The following NRXN3 variants were observed in gnomAD, a reference collection of about 807,000 sequenced individuals.
NRXN3 encodes the protein neurexin 3, also known as neurexin III.
In NRXN3, 32 loss-of-function variants were observed where a neutral mutation model predicts 137.6. That is an observed-to-expected ratio of 0.23 (90% confidence interval 0.18 to 0.31). The LOEUF is 0.31. Ranked by LOEUF, NRXN3 falls within the 10% of genes least tolerant of loss-of-function variation. NRXN3 has a pLI of 1.00. For synonymous variants in NRXN3, 798 were observed against 784.5 expected, an observed-to-expected ratio of 1.02 and a Z score of -0.29; for missense variants, 1,574 against 2,062.5, an observed-to-expected ratio of 0.76 and a Z score of 4.59.
chr14:78,515,273 A>T (rs2096185389), intron 4 of NRXN3, among the ~76,000 whole-genome samples: 1 of 152,142 alleles, frequency 6.6e-6, no homozygotes, highest in African/African-American at 2.4e-5. Context: ...TAATCAATGG[A>T]ATCCAGACTG....
chr14:78,192,901 C>T (rs1168656803), intron 1 of NRXN3, among the ~76,000 whole-genome samples: 2 of 152,150 alleles, frequency 1.3e-5, no homozygotes, highest in East Asian at 1.9e-4. Flanking sequence ...TCAACCTACC[C>T]AACGCCTTCT....
At chr14:78,378,761 A>G (rs2088427334) in intron 4 of NRXN3, among the ~76,000 whole-genome samples, 1 of 152,156 alleles carries the variant, frequency 6.6e-6, no homozygotes, top group Non-Finnish European at 1.5e-5. Context: ...AAGCAGAAGA[A>G]AGGAAAGAAT....
chr14:78,650,413 G>A (rs1275489519), intron 5 of NRXN3, among the ~76,000 whole-genome samples: 6 of 151,846 alleles, frequency 4.0e-5, no homozygotes, highest in Admixed American at 2.0e-4. Context: ...TCTTTTCTGT[G>A]GGCATTATTA....
chr14:79,067,054 G>T (rs1267510383), intron 15 of NRXN3, among the ~76,000 whole-genome samples: 6 of 151,982 alleles, frequency 3.9e-5, no homozygotes, highest in Non-Finnish European at 7.4e-5. Flanking sequence ...CAGTTTTCAG[G>T]GGGAATGTTT....
chr14:79,226,814 CTTTTTTT>C (rs3035642), intron 15 of NRXN3, among the ~76,000 whole-genome samples: 6 of 98,480 alleles, frequency 6.1e-5, no homozygotes, highest in Admixed American at 3.1e-4. Context: ...TCCTTTTTTT[CTTTTTTT>C]TTTTTTTTTT....
chr14:79,009,467 A>G (rs1392880878), intron 15 of NRXN3, among the ~76,000 whole-genome samples: 3 of 152,152 alleles, frequency 2.0e-5, no homozygotes, highest in South Asian at 2.1e-4. Context: ...CCTTACTTCT[A>G]TGCATGATTA....
At chr14:79,501,239 TTTGA>T (rs1301476581) in intron 16 of NRXN3, among the ~76,000 whole-genome samples, 1 of 152,152 alleles carries the variant, frequency 6.6e-6, no homozygotes, top group East Asian at 1.9e-4. Flanking sequence ...TTAATTAAGC[TTTGA>T]TTAAGATGCT....
intron 15 of NRXN3, among the ~76,000 whole-genome samples, chr14:79,329,258 G>A (rs2091337745): frequency 6.6e-6 from 1 of 152,082 alleles, no homozygotes. Flanking sequence ...GGGGTGAAGT[G>A]GCAAGAAACA....
At chr14:79,703,588 T>A (rs1603442085) in intron 19 of NRXN3, among the ~76,000 whole-genome samples, 1 of 152,030 alleles carries the variant, frequency 6.6e-6, no homozygotes, top group Non-Finnish European at 1.5e-5. Flanking sequence ...CTCAGGAAAC[T>A]TACAATCATG....
chr14:79,795,941 A>G (rs2099159782), intron 19 of NRXN3, among the ~76,000 whole-genome samples: 1 of 152,192 alleles, frequency 6.6e-6, no homozygotes, highest in South Asian at 2.1e-4. Context: ...GAAGAAAGAA[A>G]GGGAAAAAGG....
At chr14:78,643,896 A>T (rs1566959448) in intron 4 of NRXN3, among the ~76,000 whole-genome samples, 1 of 152,184 alleles carries the variant, frequency 6.6e-6, no homozygotes, top group Admixed American at 6.5e-5. Context: ...TAATCCTAAC[A>T]CTTTGGGAGG....
intron 15 of NRXN3, among the ~76,000 whole-genome samples, chr14:79,408,683 G>T (rs111679765): frequency 0.013 from 1,984 of 152,006 alleles, 48 homozygotes; most frequent in African/African-American, 0.045. Context: ...AAAACTTTAT[G>T]TCTCCTCCTC....
intron 16 of NRXN3, among the ~76,000 whole-genome samples, chr14:79,632,120 C>T (rs748716007): frequency 1.2e-4 from 19 of 152,228 alleles, no homozygotes; most frequent in Admixed American, 3.3e-4. Context: ...GGGTCTGTGC[C>T]GCCTTTATGA....
chr14:79,544,176 T>C (rs2097298495), intron 16 of NRXN3, among the ~76,000 whole-genome samples: 1 of 152,238 alleles, frequency 6.6e-6, no homozygotes, highest in Non-Finnish European at 1.5e-5. Context: ...AGCTGAGCTT[T>C]CGATTCTGTC....
At chr14:78,767,293 C>G (rs2098712188) in intron 8 of NRXN3, among the ~76,000 whole-genome samples, 1 of 152,174 alleles carries the variant, frequency 6.6e-6, no homozygotes, top group Non-Finnish European at 1.5e-5. Flanking sequence ...AATATAGCAG[C>G]TTCTTCAAAG....
chr14:79,323,934 G>T (rs1208104926), intron 15 of NRXN3, among the ~76,000 whole-genome samples: 1 of 152,148 alleles, frequency 6.6e-6, no homozygotes, highest in East Asian at 1.9e-4. Flanking sequence ...ATATGGAGGT[G>T]TTTTTTTCCC....
intron 17 of NRXN3, among the ~76,000 whole-genome samples, chr14:79,666,234 G>T (rs1027042538): frequency 6.6e-6 from 1 of 151,982 alleles, no homozygotes. Flanking sequence ...CTGTTTTGTT[G>T]TTCTTTAAGA....
At chr14:78,570,596 A>C (rs745581793) in intron 4 of NRXN3, among the ~76,000 whole-genome samples, 15 of 152,224 alleles carry the variant, frequency 9.9e-5, no homozygotes, top group Non-Finnish European at 2.1e-4. Context: ...GCAGTTCTCC[A>C]GCAGCCCCCA....
At chr14:78,528,414 G>A (rs980258767) in intron 4 of NRXN3, among the ~76,000 whole-genome samples, 7 of 152,142 alleles carry the variant, frequency 4.6e-5, no homozygotes, top group African/African-American at 1.2e-4. Flanking sequence ...CCCACCTGAC[G>A]TTTCCAGGTC....
Sources: gnomAD v4.1 joint callset for allele counts (sites outside exome capture counted in the v4.1 genomes callset) on GRCh38, gnomAD v4.1.1 for gene constraint, MANE v1.5 for transcripts, NCBI Gene and HGNC (gene_info 2026-07-23, HGNC 2026-07-21) for gene names.